Variants in C8orf34 observed in about 807,000 individuals in gnomAD.
The protein encoded by C8orf34 is chromosome 8 open reading frame 34, also known as uncharacterized protein C8orf34.
C8orf34 carries 65 observed loss-of-function variants against 68.3 expected under a neutral mutation model. The observed-to-expected ratio is 0.95, with a 90% CI of 0.78 to 1.17. The LOEUF (loss-of-function observed/expected upper bound fraction) is 1.17. Among genes scored for constraint, C8orf34 ranks in the 50% most tolerant of loss-of-function variants. The pLI, the probability that C8orf34 is intolerant of heterozygous loss-of-function variation, is 0.00. For synonymous variants in C8orf34, 244 were observed against 241.2 expected (o/e 1.01, Z -0.11); for missense variants, 664 against 655.4 (o/e 1.01, Z -0.14).
At chr8:68,330,799 A>ACACACACACGCACG, upstream of C8orf34, 3 of 470,046 alleles carry the variant, frequency 6.4e-6, no homozygotes, top group Non-Finnish European at 1.1e-5. Flanking sequence ...GCACGGACAC[A>ACACACACACGCACG]CACACACACG....
chr8:68,395,852 C>G (rs1808682845), intron 1 of C8orf34, among the ~76,000 whole-genome samples: 1 of 152,054 alleles, frequency 6.6e-6, no homozygotes, highest in Non-Finnish European at 1.5e-5. Context: ...AGACTAACAT[C>G]TATATTCTAT....
intron 7 of C8orf34, among the ~76,000 whole-genome samples, chr8:68,630,472 C>T (rs1422537252): frequency 1.3e-5 from 2 of 152,056 alleles, no homozygotes; most frequent in African/African-American, 2.4e-5. Flanking sequence ...ATGAATTCAA[C>T]AGTACAGTTC....
chr8:68,745,377 T>C (rs1432314213), intron 10 of C8orf34, among the ~76,000 whole-genome samples: 2 of 151,622 alleles, frequency 1.3e-5, no homozygotes, highest in South Asian at 4.2e-4. Context: ...CAAATTCACA[T>C]ATAATAATAT....
At chr8:68,774,611 A>G (rs1823453055) in intron 10 of C8orf34, among the ~76,000 whole-genome samples, 1 of 151,984 alleles carries the variant, frequency 6.6e-6, no homozygotes, top group Non-Finnish European at 1.5e-5. Context: ...AAGAAATATT[A>G]CCACCTTTGT....
intron 3 of C8orf34, among the ~76,000 whole-genome samples, chr8:68,452,281 G>C (rs577672838): frequency 1.7e-3 from 252 of 150,522 alleles, no homozygotes; most frequent in African/African-American, 5.5e-3. Flanking sequence ...TACTTGATTT[G>C]CTGGGTTATA....
chr8:68,678,818 T>A (rs1820272933), intron 8 of C8orf34, among the ~76,000 whole-genome samples: 1 of 146,988 alleles, frequency 6.8e-6, no homozygotes, highest in South Asian at 2.1e-4. Context: ...TTTTTGCTGA[T>A]GATATGATCT....
intron 1 of C8orf34, among the ~76,000 whole-genome samples, chr8:68,423,347 T>G (rs1481336307): frequency 6.6e-6 from 1 of 152,180 alleles, no homozygotes; most frequent in Non-Finnish European, 1.5e-5. Context: ...AGGGACAAAA[T>G]GCTGCCAGCC....
chr8:68,495,351 A>G (rs994053004), intron 5 of C8orf34, among the ~76,000 whole-genome samples: 9 of 152,172 alleles, frequency 5.9e-5, no homozygotes, highest in African/African-American at 1.9e-4. Flanking sequence ...CATTTTATAT[A>G]GATTATGCCA....
intron 7 of C8orf34, among the ~76,000 whole-genome samples, chr8:68,547,814 A>T (rs1346980893): frequency 6.6e-6 from 1 of 151,796 alleles, no homozygotes; most frequent in Non-Finnish European, 1.5e-5. Flanking sequence ...CCCTAAGGCT[A>T]TAATAATCAA....
At chr8:68,496,755 G>T (rs1813541668) in intron 5 of C8orf34, among the ~76,000 whole-genome samples, 1 of 151,932 alleles carries the variant, frequency 6.6e-6, no homozygotes, top group African/African-American at 2.4e-5. Flanking sequence ...TGCTTTTTTT[G>T]GTCAGTAATT....
intron 10 of C8orf34, among the ~76,000 whole-genome samples, chr8:68,767,663 T>A (rs1337791275): frequency 6.6e-6 from 1 of 152,192 alleles, no homozygotes; most frequent in East Asian, 1.9e-4. Flanking sequence ...AGAAATGGGA[T>A]CTCACTGTTA....
chr8:68,674,161 C>T, intron 8 of C8orf34, among the ~76,000 whole-genome samples: 1 of 152,028 alleles, frequency 6.6e-6, no homozygotes, highest in Non-Finnish European at 1.5e-5. Flanking sequence ...ACCTGGAAAC[C>T]CTTCCCAAGA....
At chr8:68,788,865 A>G (rs1408200764) in intron 12 of C8orf34, among the ~76,000 whole-genome samples, 1 of 152,170 alleles carries the variant, frequency 6.6e-6, no homozygotes, top group Non-Finnish European at 1.5e-5. Flanking sequence ...CTAAAAAAAA[A>G]AAAGATAACA....
At chr8:68,755,904 CAA>C (rs11295724) in intron 10 of C8orf34, among the ~76,000 whole-genome samples, 80 of 142,220 alleles carry the variant, frequency 5.6e-4, no homozygotes, top group Admixed American at 2.4e-3. Context: ...ACTAAAAATA[CAA>C]AAAAAAAAAA....
At chr8:68,596,122 T>A (rs1257092911) in intron 7 of C8orf34, among the ~76,000 whole-genome samples, 3 of 152,138 alleles carry the variant, frequency 2.0e-5, no homozygotes, top group East Asian at 1.9e-4. Context: ...TTAGGATTTC[T>A]TTCTCTATTA....
intron 9 of C8orf34, among the ~76,000 whole-genome samples, chr8:68,710,049 G>A (rs548431666): frequency 1.6e-4 from 24 of 152,232 alleles, no homozygotes; most frequent in Non-Finnish European, 2.2e-4. Context: ...ACCTTCAGCC[G>A]TAGAAAATTA....
At chr8:68,790,496 T>C (rs957094162) in intron 12 of C8orf34, among the ~76,000 whole-genome samples, 7 of 152,198 alleles carry the variant, frequency 4.6e-5, no homozygotes, top group African/African-American at 7.2e-5. Context: ...ATATTTCTTA[T>C]TGCACCATTT....
At chr8:68,682,919 T>C (rs1158468241) in intron 8 of C8orf34, among the ~76,000 whole-genome samples, 2 of 152,040 alleles carry the variant, frequency 1.3e-5, no homozygotes, top group Non-Finnish European at 2.9e-5. Context: ...AGGAAAAAAA[T>C]GTTTCGCGCG....
chr8:68,439,608 C>A lies in C8orf34; in HGVS notation c.437C>A (p.Ser146Tyr), dbSNP rs1810812357. 1 of 1,613,482 alleles carries A rather than the reference C, an allele frequency of 6.2e-7. No individual in the cohort carries two copies. Among genetic ancestry groups the A allele is most frequent in the East Asian group, 2.2e-5 (1 of 44,800 alleles). The change falls in exon 2 of 14, where the codon TCT becomes TAT. Residue 146 changes from serine (S) to tyrosine (Y), a missense_variant. Physicochemically the swap from Ser to Tyr is moderately radical, Grantham distance 144. Coordinates refer to ENST00000518698, the MANE Select transcript of C8orf34 (RefSeq NM_052958.4). ...GNRGQLQRTL[S>Y]GSAALWAESE... ...CGTGGACAACTTCAAAGAACTTTGT[C>A]TGGATCTGCAGCTCTATGGGCAGAA...
Sources: allele counts gnomAD v4.1 joint callset (sites outside exome capture counted in the v4.1 genomes callset), GRCh38; gene constraint gnomAD v4.1.1; transcripts MANE v1.5; gene names NCBI Gene and HGNC (gene_info 2026-07-23, HGNC 2026-07-21).